The following ERI3 variants were observed in gnomAD, a reference collection of about 807,000 sequenced individuals.
ERI3 encodes ERI1 exoribonuclease 3.
Under a neutral mutation model 44.4 loss-of-function variants are expected in ERI3, and 18 were observed. The observed-to-expected ratio is 0.41, with a 90% CI of 0.28 to 0.60. The LOEUF (loss-of-function observed/expected upper bound fraction) is 0.60, where lower values mean the gene tolerates loss of function less well. Ranked by LOEUF, ERI3 falls within the 20% of genes least tolerant of loss-of-function variation. The probability of loss-of-function intolerance (pLI) is 0.36; values close to 1 mark genes in which losing one functional copy is unlikely to be tolerated. For missense variants in ERI3, 294 were observed against 435.5 expected, an observed-to-expected ratio of 0.68 and a Z score of 2.89; for synonymous variants, 183 against 164.8, an observed-to-expected ratio of 1.11 and a Z score of -0.84.
At chr1:44,296,137 C>A (rs113643356) in intron 6 of ERI3, among the ~76,000 whole-genome samples, 1,713 of 152,284 alleles carry the variant, frequency 0.011, 10 homozygotes, top group Non-Finnish European at 0.016. Context: ...TTCTCCACCC[C>A]CCTCCACCGT....
At chr1:44,244,656 C>T (rs762811186) in intron 8 of ERI3, among the ~76,000 whole-genome samples, 16 of 152,146 alleles carry the variant, frequency 1.1e-4, no homozygotes, top group Non-Finnish European at 1.5e-4. Flanking sequence ...TCCTTGTCTG[C>T]AGTCTCTCCT....
In ERI3 at chr1:44,271,291, C is replaced by T. The variant is rs143854415; in HGVS notation, c.831+13544G>A. On this transcript the variant is annotated intron_variant, in intron 7 of 8. Coordinates refer to ENST00000372257, the MANE Select transcript of ERI3 (RefSeq NM_024066.3). ...ACCTGAAAACTGCTGTGTGTAGTTCCCTAATCCTGCAACGTGCTTCACCAC... is the reference window on the plus strand; with the variant it reads ...ACCTGAAAACTGCTGTGTGTAGTTCTCTAATCCTGCAACGTGCTTCACCAC... Among the ~76,000 whole-genome samples, 522 of 152,292 alleles carry T rather than the reference C, an allele frequency of 3.4e-3. 3 individuals are homozygous for T. The highest frequency in any genetic ancestry group is 8.5e-3 in the East Asian group (44 of 5,182).
chr1:44,333,228 T>C (rs1018251255), intron 3 of ERI3, among the ~76,000 whole-genome samples: 2 of 152,246 alleles, frequency 1.3e-5, no homozygotes, highest in African/African-American at 4.8e-5. Context: ...AAGCATAACT[T>C]TGAATTTCCT....
intron 1 of ERI3, chr1:44,354,367 A>C: frequency 1.0e-6 from 1 of 985,452 alleles, no homozygotes; most frequent in Non-Finnish European, 1.2e-6. Context: ...GCATCTTCCA[A>C]GTCAACAAGG....
chr1:44,346,833 G>A (rs1646793190), intron 2 of ERI3, among the ~76,000 whole-genome samples: 1 of 151,938 alleles, frequency 6.6e-6, no homozygotes, highest in Admixed American at 6.5e-5. Context: ...TATGTCTTTG[G>A]GATTCAATTC....
intron 7 of ERI3, among the ~76,000 whole-genome samples, chr1:44,271,824 T>C (rs1005614479): frequency 6.6e-6 from 1 of 152,196 alleles, no homozygotes; most frequent in Admixed American, 6.5e-5. Flanking sequence ...CTGTACTCCA[T>C]TGGACAGCCA....
intron 8 of ERI3, among the ~76,000 whole-genome samples, chr1:44,234,694 C>G (rs983265011): frequency 1.3e-5 from 2 of 152,050 alleles, no homozygotes; most frequent in African/African-American, 4.8e-5. Flanking sequence ...AACAACAAAC[C>G]CTTCAATGAA....
At chr1:44,320,098 C>G (rs1646167989) in intron 3 of ERI3, among the ~76,000 whole-genome samples, 1 of 152,176 alleles carries the variant, frequency 6.6e-6, no homozygotes, top group Non-Finnish European at 1.5e-5. Context: ...TTCTCTTGCC[C>G]AGGTCCCTGT....
intron 8 of ERI3, among the ~76,000 whole-genome samples, chr1:44,234,163 C>A (rs779718295): frequency 6.6e-6 from 1 of 152,188 alleles, no homozygotes; most frequent in East Asian, 1.9e-4. Flanking sequence ...CTTATCCCCT[C>A]CTGGAGCTTT....
chr1:44,230,092 C>T (rs1430309824), intron 8 of ERI3, among the ~76,000 whole-genome samples: 5 of 152,130 alleles, frequency 3.3e-5, no homozygotes, highest in Admixed American at 6.5e-5. Flanking sequence ...TCCTGAGCCT[C>T]GTCCTGGCCA....
At chr1:44,254,289 C>T (rs907979241) in intron 7 of ERI3, among the ~76,000 whole-genome samples, 1 of 152,224 alleles carries the variant, frequency 6.6e-6, no homozygotes, top group African/African-American at 2.4e-5. Context: ...TCACCCAGAA[C>T]TGCCCTCTCT....
intron 8 of ERI3, among the ~76,000 whole-genome samples, chr1:44,227,198 G>T (rs1238824152): frequency 2.0e-5 from 3 of 152,164 alleles, no homozygotes; most frequent in Non-Finnish European, 2.9e-5. Context: ...AGTCTCCACA[G>T]GCCTCCTGCC....
intron 2 of ERI3, among the ~76,000 whole-genome samples, chr1:44,345,693 T>C (rs1318637847): frequency 6.6e-6 from 1 of 152,126 alleles, no homozygotes; most frequent in Non-Finnish European, 1.5e-5. Context: ...ATAAACTGCA[T>C]CCCTTCAAAA....
chr1:44,333,732 G>T (rs1310178960), intron 3 of ERI3, among the ~76,000 whole-genome samples: 1 of 152,120 alleles, frequency 6.6e-6, no homozygotes, highest in Non-Finnish European at 1.5e-5. Flanking sequence ...TTTCACAAAA[G>T]ACTAGTAATG....
intron 2 of ERI3, among the ~76,000 whole-genome samples, chr1:44,346,445 A>G (rs901154702): frequency 6.6e-6 from 1 of 152,180 alleles, no homozygotes; most frequent in Admixed American, 6.5e-5. Context: ...GCTTGGGCAA[A>G]CTCCTTTCAG....
chr1:44,266,584 A>C (rs1446751764), intron 7 of ERI3, among the ~76,000 whole-genome samples: 1 of 152,234 alleles, frequency 6.6e-6, no homozygotes, highest in Non-Finnish European at 1.5e-5. Flanking sequence ...AATAAACTCT[A>C]ATGACCAGTG....
In ERI3 at chr1:44,339,356, AAAG is replaced by A. The variant is rs762856371; in HGVS notation, c.212-37_212-35del. ...AGGAAAGTTTAAAAAAAAAAAAAAA[AAAG>A]AAAAGAAAGAAAAAAAAAAAAAGAA... On this transcript the variant is annotated intron_variant, in intron 2 of 8. Coordinates refer to ENST00000372257, the MANE Select transcript of ERI3 (RefSeq NM_024066.3). 20 of 1,456,740 alleles carry A rather than the reference AAAG, an allele frequency of 1.4e-5. No individual in the cohort carries two copies. In the East Asian group the frequency reaches 2.9e-4, roughly 21 times the overall value. 90.2% of individuals were successfully genotyped at this position (1,456,740 alleles called of 1,614,324 possible).
chr1:44,286,440 G>C (rs1312170539), intron 6 of ERI3, among the ~76,000 whole-genome samples: 2 of 152,140 alleles, frequency 1.3e-5, no homozygotes, highest in African/African-American at 4.8e-5. Flanking sequence ...GTTTTGAAGA[G>C]AGGTCTGGAA....
At chr1:44,303,662 G>C (rs1212993009) in intron 6 of ERI3, among the ~76,000 whole-genome samples, 1 of 152,228 alleles carries the variant, frequency 6.6e-6, no homozygotes, top group Non-Finnish European at 1.5e-5. Flanking sequence ...CATGTGGCTG[G>C]TGGGGAGGGG....
Sources: allele counts gnomAD v4.1 joint callset (sites outside exome capture counted in the v4.1 genomes callset), GRCh38; gene constraint gnomAD v4.1.1; transcripts MANE v1.5; gene names NCBI Gene and HGNC (gene_info 2026-07-23, HGNC 2026-07-21).